The following CELF2 variants were observed in gnomAD, a reference collection of about 807,000 sequenced individuals.
The protein encoded by CELF2 is CUGBP Elav-like family member 2.
Under a neutral mutation model 62.6 loss-of-function variants are expected in CELF2, and 8 were observed. The ratio of observed to expected loss-of-function variants is 0.13; its 90% CI spans 0.07 to 0.23. The LOEUF is 0.23. Ranked by LOEUF, CELF2 falls within the 10% of genes least tolerant of loss-of-function variation. The pLI is 1.00. For missense variants in CELF2, 333 were observed against 671.0 expected, an observed-to-expected ratio of 0.50 and a Z score of 5.56; for synonymous variants, 258 against 250.0, an observed-to-expected ratio of 1.03 and a Z score of -0.30.
In CELF2 at chr10:11,070,409, G is replaced by C. The variant is rs1594580700; in HGVS notation, c.74+52246G>C. 6.6e-5 allele frequency among the ~76,000 whole-genome samples: 10 copies of C among 152,306 alleles called. 1 individual carries two copies. In the South Asian group the frequency reaches 2.1e-3, roughly 32 times the overall value. On this transcript the variant is annotated intron_variant, in intron 1 of 12. Coordinates refer to ENST00000633077, the MANE Select transcript of CELF2 (RefSeq NM_001326342.2). The stretch of plus-strand genomic sequence containing the variant: ...TTCCCCGATTCTAAGAACAAGGGAA[G>C]CCATCTAAGGGAATTAAGCAGAGGA...
intron 2 of CELF2, among the ~76,000 whole-genome samples, chr10:11,182,119 G>A (rs567397253): frequency 6.6e-6 from 1 of 152,222 alleles, no homozygotes; most frequent in Non-Finnish European, 1.5e-5. Context: ...GCCAGCAAGG[G>A]CTCTGAGCCC....
intron 1 of CELF2, among the ~76,000 whole-genome samples, chr10:11,104,136 T>C (rs2142793161): frequency 6.6e-6 from 1 of 152,348 alleles, no homozygotes; most frequent in East Asian, 1.9e-4. Flanking sequence ...TAATATACCA[T>C]AAATCATGTC....
intron 5 of CELF2, among the ~76,000 whole-genome samples, chr10:11,259,183 A>C (rs2079700141): frequency 6.6e-6 from 1 of 152,180 alleles, no homozygotes; most frequent in South Asian, 2.1e-4. Flanking sequence ...GGATGAAAGC[A>C]CTCGTCTTCA....
chr10:10,561,207 G>T, the CELF2 span, among the ~76,000 whole-genome samples: 4 of 151,912 alleles, frequency 2.6e-5, no homozygotes, highest in Admixed American at 1.3e-4. Flanking sequence ...GAAAAAAAAA[G>T]AATTTTTCAG....
At chr10:11,294,810 C>T (rs1025046237) in intron 9 of CELF2, among the ~76,000 whole-genome samples, 2 of 152,338 alleles carry the variant, frequency 1.3e-5, no homozygotes, top group South Asian at 4.1e-4. Flanking sequence ...ACTCGGGAGG[C>T]TGAGGCAGGA....
At chr10:10,877,194 A>G (rs912722286) in intron 1 of CELF2, among the ~76,000 whole-genome samples, 3 of 152,236 alleles carry the variant, frequency 2.0e-5, no homozygotes, top group African/African-American at 4.8e-5. Context: ...ATGACTGACA[A>G]TTTCTTGTGT....
chr10:10,833,311 A>G (rs1052638324), intron 1 of CELF2, among the ~76,000 whole-genome samples: 1 of 152,276 alleles, frequency 6.6e-6, no homozygotes. Context: ...AAAGGCACCT[A>G]TGCTTGATTT....
At chr10:10,868,632 G>T (rs1462107361) in intron 1 of CELF2, among the ~76,000 whole-genome samples, 2 of 152,154 alleles carry the variant, frequency 1.3e-5, no homozygotes, top group Non-Finnish European at 2.9e-5. Flanking sequence ...TGTCTTTGGG[G>T]TCTACCATCT....
intron 5 of CELF2, among the ~76,000 whole-genome samples, chr10:11,258,214 G>A (rs960082853): frequency 6.6e-6 from 1 of 152,176 alleles, no homozygotes; most frequent in Non-Finnish European, 1.5e-5. Flanking sequence ...AAGGATATTT[G>A]TTGTTTTCAT....
chr10:11,019,086 C>T (rs1046684785), intron 1 of CELF2, among the ~76,000 whole-genome samples: 2 of 152,062 alleles, frequency 1.3e-5, no homozygotes, highest in Non-Finnish European at 2.9e-5. Context: ...GCTGGGATTC[C>T]TGAAGAAAGG....
At chr10:10,932,401 G>A (rs757663994) in intron 2 of CELF2, among the ~76,000 whole-genome samples, 1 of 152,028 alleles carries the variant, frequency 6.6e-6, no homozygotes, top group Non-Finnish European at 1.5e-5. Context: ...GATTTTAAAT[G>A]TTCTCATCAC....
chr10:10,821,883 C>T (rs1026279503), intron 1 of CELF2, among the ~76,000 whole-genome samples: 1 of 152,166 alleles, frequency 6.6e-6, no homozygotes, highest in Non-Finnish European at 1.5e-5. Context: ...TCAAGCAATC[C>T]TCCTGCCTCG....
At chr10:10,631,118 A>G in the CELF2 span, among the ~76,000 whole-genome samples, 1 of 152,216 alleles carries the variant, frequency 6.6e-6, no homozygotes, top group Non-Finnish European at 1.5e-5. Context: ...CGTACTGATC[A>G]TGTTTTATTC....
intron 4 of CELF2, among the ~76,000 whole-genome samples, chr10:11,250,685 A>T (rs545924478): frequency 6.6e-6 from 1 of 152,226 alleles, no homozygotes; most frequent in African/African-American, 2.4e-5. Context: ...CTACTGATTT[A>T]AGTATCCAGA....
rs949693640 is a variant in CELF2 at position 11,302,373 on chromosome 10, C to T, written c.977-11766C>T. Among the ~76,000 whole-genome samples, 13 of 152,332 alleles carry T rather than the reference C, an allele frequency of 8.5e-5. 1 individual carries two copies. In the South Asian group the frequency reaches 2.7e-3, roughly 32 times the overall value. ...GGCTGGTTCAACTCAGATGCCCAAG[C>T]CCCACAACCAGAGCGTCTGACTCAG... On this transcript the variant is annotated intron_variant, in intron 9 of 12. Transcript: ENST00000633077. This position sits in a 1 kb window ranked among gnomAD's most constrained non-coding sequence, Gnocchi z 5.0.
chr10:10,469,216 T>G, the CELF2 span, among the ~76,000 whole-genome samples: 1 of 151,996 alleles, frequency 6.6e-6, no homozygotes, highest in Non-Finnish European at 1.5e-5. Flanking sequence ...GTGCATATTT[T>G]AAAATTCTTA....
intron 1 of CELF2, among the ~76,000 whole-genome samples, chr10:10,873,636 A>C (rs183761464): frequency 8.5e-5 from 13 of 152,360 alleles, no homozygotes; most frequent in Admixed American, 3.3e-4. Context: ...GTGGAAGTTT[A>C]TACAACTTGA....
At chr10:10,596,876 A>G in the CELF2 span, among the ~76,000 whole-genome samples, 3 of 152,282 alleles carry the variant, frequency 2.0e-5, no homozygotes, top group South Asian at 6.2e-4. Context: ...ATGGAGACAG[A>G]TTCTTCCTGT....
At chr10:10,780,126 A>T in the CELF2 span, among the ~76,000 whole-genome samples, 1 of 152,260 alleles carries the variant, frequency 6.6e-6, no homozygotes, top group Non-Finnish European at 1.5e-5. Context: ...CCTAAGAGGA[A>T]TAGTCCACAC....
Sources: gnomAD v4.1 joint callset for allele counts (sites outside exome capture counted in the v4.1 genomes callset) on GRCh38, gnomAD v4.1.1 for gene constraint, Gnocchi (gnomAD v3.1) non-coding constraint, MANE v1.5 for transcripts, NCBI Gene and HGNC (gene_info 2026-07-23, HGNC 2026-07-21) for gene names.